COX18: variants seen among roughly 807,000 people sequenced by gnomAD.
The protein encoded by COX18 is cytochrome c oxidase assembly protein COX18, mitochondrial.
A neutral mutation model predicts 38.0 loss-of-function variants in COX18; 45 were observed. The observed-to-expected ratio is 1.18, with a 90% CI of 0.93 to 1.52. The LOEUF is 1.52. Ranked by LOEUF, COX18 falls within the 40% of genes most tolerant of loss-of-function variation. The pLI, the probability that COX18 is intolerant of heterozygous loss-of-function variation, is 0.00. For synonymous variants in COX18, 177 were observed against 169.8 expected (o/e 1.04, Z -0.33); for missense variants, 462 against 423.8 (o/e 1.09, Z -0.79).
intron 5 of COX18, among the ~76,000 whole-genome samples, chr4:73,061,009 C>G (rs916359836): frequency 1.3e-5 from 2 of 152,118 alleles, no homozygotes; most frequent in Non-Finnish European, 2.9e-5. Flanking sequence ...CAGCTTTTGC[C>G]TCCTTAGAAA....
At position 73,055,626 on chromosome 4, in the gene COX18, TA is replaced by T. The variant is rs1441980024; in HGVS notation, c.*2487del. 1 of 152,180 alleles carries T rather than the reference TA, an allele frequency of 6.6e-6. No homozygotes were observed. The highest frequency in any genetic ancestry group is 1.5e-5 in the Non-Finnish European group (1 of 68,042). 9.4% of individuals were successfully genotyped at this position (152,180 alleles called of 1,614,324 possible). On this transcript the variant is annotated 3_prime_UTR_variant, in exon 6 of 6. Coordinates refer to ENST00000507544, the MANE Select transcript of COX18 (RefSeq NM_001297732.2). The stretch of plus-strand genomic sequence containing the variant: ...AACAGAAATTAGGAAGAGATGGGAC[TA>T]AGTAGACTCAAAAAGGATACATGTT...
chr4:73,054,124 A>C lies in COX18; in HGVS notation c.*3990T>G, dbSNP rs1719812112. The C allele has an allele frequency of 1.3e-5, 2 of 152,192 alleles. No homozygotes were observed. Among genetic ancestry groups the C allele is most frequent in the Admixed American group, 6.5e-5 (1 of 15,282 alleles). 9.4% of individuals were successfully genotyped at this position (152,192 alleles called of 1,614,324 possible). On this transcript the variant is annotated 3_prime_UTR_variant, in exon 6 of 6. Transcript: ENST00000507544. ...GGGTAACACAAACATTACAGTCCTCATCTAAGGAGACAAAAACCTTCCTGA... is the reference window on the plus strand; with the variant it reads ...GGGTAACACAAACATTACAGTCCTCCTCTAAGGAGACAAAAACCTTCCTGA...
At chr4:73,062,374 CA>C (rs1464812055) in intron 4 of COX18, among the ~76,000 whole-genome samples, 2 of 143,922 alleles carry the variant, frequency 1.4e-5, no homozygotes, top group Non-Finnish European at 3.1e-5. Flanking sequence ...AAAACGACAA[CA>C]AAAAAAAAAC....
intron 2 of COX18, 45 bp downstream of exon 2, chr4:73,067,983 TG>T: frequency 9.9e-7 from 1 of 1,010,804 alleles, no homozygotes. Context: ...TGTGTGTGTG[TG>T]TGTGTATGTG....
chr4:73,062,393 A>T (rs568108871), intron 4 of COX18, among the ~76,000 whole-genome samples: 2 of 151,854 alleles, frequency 1.3e-5, no homozygotes, highest in Non-Finnish European at 2.9e-5. Context: ...AACACTAATT[A>T]TGTCAAATTC....
chr4:73,068,266 C>T (rs1364443061), intron 1 of COX18, 137 bp from the exon 2 acceptor site: 10 of 581,174 alleles, frequency 1.7e-5, no homozygotes, highest in Middle Eastern at 3.6e-4. Context: ...ATTCTAAGCA[C>T]AAGATGTTAA....
chr4:73,052,539 T>C lies in COX18; in HGVS notation c.*5575A>G, dbSNP rs902184183. On this transcript the variant is annotated 3_prime_UTR_variant, in exon 6 of 6. Coordinates refer to ENST00000507544, the MANE Select transcript of COX18 (RefSeq NM_001297732.2). ...AACCAAATGATTTCATAAAATACCA[T>C]CACAGTGTATGAAAAAAAGAAAACA... 29 of 152,126 alleles carry C rather than the reference T, an allele frequency of 1.9e-4. No homozygotes were observed. Among genetic ancestry groups the C allele is most frequent in the African/African-American group, 7.0e-4 (29 of 41,498 alleles). 9.4% of individuals were successfully genotyped at this position (152,126 alleles called of 1,614,324 possible). A position where few individuals can be genotyped will look rare whatever the true frequency, so the allele number is the denominator to read the frequency against.
In COX18 at chr4:73,068,011, T is replaced by C. The variant is rs765350811; in HGVS notation, c.434+18A>G. On this transcript the variant is annotated intron_variant, in intron 2 of 5. Coordinates refer to ENST00000507544, the MANE Select transcript of COX18 (RefSeq NM_001297732.2). The stretch of plus-strand genomic sequence containing the variant: ...GTGTATGTGTGCGTATGGTCTTACG[T>C]GGATATAATTAGCTTACCTGGCATC... The C allele has an allele frequency of 6.5e-7, 1 of 1,535,656 alleles. No individual in the cohort carries two copies. The highest frequency in any genetic ancestry group is 1.1e-5 in the South Asian group (1 of 89,362).
Position 73,058,110 on chromosome 4 carries a change from T to A in COX18, c.*4A>T. ...CAACTGTTTCAAAATTATTGGAAAA[T>A]ATGTCATTTTCTTGAAATGAACTTG... On this transcript the variant is annotated 3_prime_UTR_variant, in exon 6 of 6. Transcript: ENST00000507544. 1 of 1,564,558 alleles carries A rather than the reference T, an allele frequency of 6.4e-7. No individual in the cohort carries two copies. The highest frequency in any genetic ancestry group is 8.7e-7 in the Non-Finnish European group (1 of 1,146,880).
chr4:73,060,217 A>C (rs1720081130), intron 5 of COX18, among the ~76,000 whole-genome samples: 1 of 152,154 alleles, frequency 6.6e-6, no homozygotes, highest in Admixed American at 6.6e-5. Context: ...TGACAGGATA[A>C]ATTTTGGGTA....
intron 5 of COX18, among the ~76,000 whole-genome samples, chr4:73,061,177 C>T (rs1054114282): frequency 4.6e-5 from 7 of 152,076 alleles, no homozygotes; most frequent in African/African-American, 1.4e-4. Context: ...ATACACAAAC[C>T]CAAATGGTCT....
rs1719848616 is a variant in COX18, at chr4:73,055,330, A to C, written c.*2784T>G. On this transcript the variant is annotated 3_prime_UTR_variant, in exon 6 of 6. Transcript: ENST00000507544. ...GGTACTTATGTTCCATAAAGTCCAC[A>C]AACACTGAAGTAGTGAATACCAAAT... 1 of 152,252 alleles carries C rather than the reference A, an allele frequency of 6.6e-6. No homozygotes were observed. Among genetic ancestry groups the C allele is most frequent in the African/African-American group, 2.4e-5 (1 of 41,474 alleles). 9.4% of individuals were successfully genotyped at this position (152,252 alleles called of 1,614,324 possible). A position where few individuals can be genotyped will look rare whatever the true frequency, so the allele number is the denominator to read the frequency against.
rs562844994 is a variant in COX18 at position 73,063,334 on chromosome 4, A to G, written c.724-1414T>C. On this transcript the variant is annotated intron_variant, in intron 4 of 5. Transcript: ENST00000507544. ...AAAAAAACAAACAAACAAACAAACA[A>G]AAAACACAATGCCTTGCACATAGTG... is the stretch of plus-strand genomic sequence containing the variant. Among the ~76,000 whole-genome samples the G allele has an allele frequency of 3.3e-5, 5 of 152,238 alleles. No individual in the cohort carries two copies. The East Asian group carries it at 9.7e-4, about 29-fold the overall frequency.
intron 2 of COX18, among the ~76,000 whole-genome samples, 173 bp from the exon 3 acceptor site, chr4:73,065,586 C>T (rs1054418590): frequency 5.9e-5 from 9 of 151,986 alleles, no homozygotes; most frequent in African/African-American, 2.2e-4. Flanking sequence ...GCAAATAAAG[C>T]CTTTTATCAA....
In COX18 at chr4:73,067,864, A is replaced by AAAAATATATATATAT; in HGVS notation, c.434+164_434+165insATATATATATATTTT. Among the ~76,000 whole-genome samples the AAAAATATATATATAT allele has an allele frequency of 2.1e-3, 41 of 19,988 alleles. 1 individual carries two copies. Among genetic ancestry groups the AAAAATATATATATAT allele is most frequent in the Non-Finnish European group, 4.5e-3 (29 of 6,430 alleles). 13.1% of individuals were successfully genotyped at this position (19,988 alleles called of 152,430 possible). Reference sequence around the variant, plus strand: ...CTCAAAAAAAAAAAAAAAAAAAAAAAATATATATATATATATATATAAAAA... The same window carrying AAAAATATATATATAT: ...CTCAAAAAAAAAAAAAAAAAAAAAAAAAAATATATATATATATATATATATATATATATATAAAAA... On this transcript the variant is annotated intron_variant, in intron 2 of 5. Coordinates refer to ENST00000507544, the MANE Select transcript of COX18 (RefSeq NM_001297732.2).
chr4:73,068,330 G>C (rs1207688511), intron 1 of COX18, among the ~76,000 whole-genome samples: 1 of 152,124 alleles, frequency 6.6e-6, no homozygotes, highest in Non-Finnish European at 1.5e-5. Context: ...ACTTATCCAT[G>C]TGATCCTGTG....
chr4:73,060,771 T>C (rs1187928222), intron 5 of COX18, among the ~76,000 whole-genome samples: 1 of 151,010 alleles, frequency 6.6e-6, no homozygotes, highest in Non-Finnish European at 1.5e-5. Flanking sequence ...TCCCAGGTAC[T>C]AGGGAGGCTG....
intron 5 of COX18, among the ~76,000 whole-genome samples, chr4:73,060,582 C>T (rs976796790): frequency 3.3e-5 from 5 of 152,002 alleles, no homozygotes; most frequent in Non-Finnish European, 5.9e-5. Context: ...TTTTAGATTC[C>T]TATAAAAAAT....
rs777818049 is a variant in COX18 at position 73,068,135 on chromosome 4, T to TA, written c.334-7dup. The TA allele has an allele frequency of 1.3e-6, 2 of 1,595,338 alleles. No homozygotes were observed. Among genetic ancestry groups the TA allele is most frequent in the African/African-American group, 1.3e-5 (1 of 74,278 alleles). ...TCTGGCTGCAAATTTTCCACCTAGCTAAAAAATAGGTTTTGTTATGAGCAC... is the reference window on the plus strand; with the variant it reads ...TCTGGCTGCAAATTTTCCACCTAGCTAAAAAAATAGGTTTTGTTATGAGCAC... On this transcript the variant is annotated splice_region_variant and splice_polypyrimidine_tract_variant and intron_variant, in intron 1 of 5. Transcript: ENST00000507544.
Sources: gnomAD v4.1 joint callset for allele counts (sites outside exome capture counted in the v4.1 genomes callset) on GRCh38, gnomAD v4.1.1 for gene constraint, MANE v1.5 for transcripts, NCBI Gene and HGNC (gene_info 2026-07-23, HGNC 2026-07-21) for gene names.